TF: variants seen among roughly 807,000 people sequenced by gnomAD.
The protein encoded by TF is transferrin, also known as serotransferrin.
A neutral mutation model predicts 82.4 loss-of-function variants in TF; 55 were observed. The observed-to-expected ratio is 0.67, with a 90% CI of 0.54 to 0.84. The LOEUF (loss-of-function observed/expected upper bound fraction) is 0.84. TF is among the 40% of genes least tolerant of loss of function. The pLI is 0.00. For synonymous variants in TF, 332 were observed against 332.6 expected (o/e 1.00, Z 0.02); for missense variants, 737 against 868.4 (o/e 0.85, Z 1.90).
chr3:133,753,769 T>G, intron 3 of TF, 66 bp downstream of exon 3: 1 of 1,339,724 alleles, frequency 7.5e-7, no homozygotes, highest in African/African-American at 1.4e-5. Context: ...GTGCTGTGTT[T>G]TACAGGCAGG....
the TF span, among the ~76,000 whole-genome samples, chr3:133,667,041 A>AAG: frequency 1.5e-4 from 21 of 143,452 alleles, 1 homozygote; most frequent in African/African-American, 3.2e-4. Flanking sequence ...GTCTCAGAAA[A>AAG]AGAAAAAAAA....
At chr3:133,705,540 T>G in the TF span, among the ~76,000 whole-genome samples, 1 of 152,146 alleles carries the variant, frequency 6.6e-6, no homozygotes, top group East Asian at 1.9e-4. Context: ...TGGGGAGATT[T>G]TGGGATGGAA....
chr3:133,698,194 G>T, the TF span, among the ~76,000 whole-genome samples: 92 of 152,246 alleles, frequency 6.0e-4, no homozygotes, highest in Admixed American at 3.2e-3. Context: ...CCACTCTGTA[G>T]AGTGTACTTT....
At chr3:133,695,654 A>C in the TF span, among the ~76,000 whole-genome samples, 3 of 152,202 alleles carry the variant, frequency 2.0e-5, no homozygotes, top group African/African-American at 7.2e-5. Context: ...ATGCCACAGG[A>C]GAGTTTCTAT....
Position 133,757,198 on chromosome 3 carries a change from A to ACCGTCTGCCGCCC in TF, c.870+190_870+202dup, listed in dbSNP as rs1386762652. Among the ~76,000 whole-genome samples the ACCGTCTGCCGCCC allele has an allele frequency of 7.2e-5, 11 of 152,286 alleles. No homozygotes were observed. The East Asian group carries it at 2.1e-3, about 29-fold the overall frequency. ...GCAGCAGGGAGCCTGCTGTGGTGCT[A>ACCGTCTGCCGCCC]CCGTCTGCCGCCCTTGCCTTTCTGG... On this transcript the variant is annotated intron_variant, in intron 7 of 16. Coordinates refer to ENST00000402696, the MANE Select transcript of TF (RefSeq NM_001063.4).
chr3:133,777,408 T>A (rs1188382613), intron 16 of TF, 170 bp downstream of exon 16: 1 of 642,832 alleles, frequency 1.6e-6, no homozygotes, highest in African/African-American at 1.8e-5. Context: ...GGCTAGACTG[T>A]AGGGGCAGAT....
the TF span, among the ~76,000 whole-genome samples, chr3:133,695,434 G>C: frequency 6.6e-6 from 1 of 152,206 alleles, no homozygotes; most frequent in South Asian, 2.1e-4. Context: ...TTTTAGCAGA[G>C]AGAGGGTTTC....
the TF span, among the ~76,000 whole-genome samples, chr3:133,691,250 A>G: frequency 3.3e-5 from 5 of 152,204 alleles, no homozygotes. Flanking sequence ...TGGCTGACAG[A>G]TCCCTGCCAA....
At chr3:133,768,400 CA>C (rs1934180881) in intron 13 of TF, among the ~76,000 whole-genome samples, 1 of 152,180 alleles carries the variant, frequency 6.6e-6, no homozygotes, top group South Asian at 2.1e-4. Flanking sequence ...TAGCAGTTGT[CA>C]ACGGGTGATT....
the TF span, among the ~76,000 whole-genome samples, chr3:133,689,324 A>AAAAT: frequency 2.0e-5 from 3 of 152,058 alleles, no homozygotes; most frequent in Non-Finnish European, 4.4e-5. Flanking sequence ...ACTCTGCGTC[A>AAAAT]AAATAAATAA....
chr3:133,756,384 G>A, intron 6 of TF, 47 bp downstream of exon 6: 1 of 1,580,722 alleles, frequency 6.3e-7, no homozygotes, highest in Non-Finnish European at 8.7e-7. Context: ...AGTAGTGGGT[G>A]TTCTTTTTCT....
chr3:133,666,009 G>A, the TF span, among the ~76,000 whole-genome samples: 21,497 of 150,466 alleles, frequency 0.14, 1,842 homozygotes, highest in Non-Finnish European at 0.2. Flanking sequence ...CTTTTACAAT[G>A]TGGGTGGTGG....
chr3:133,781,038 G>C lies in TF; in HGVS notation c.*2418G>C, dbSNP rs890112368. The C allele has an allele frequency of 2.0e-5, 3 of 151,442 alleles. No homozygotes were observed. Among genetic ancestry groups the C allele is most frequent in the African/African-American group, 7.3e-5 (3 of 41,132 alleles). 9.4% of individuals were successfully genotyped at this position (151,442 alleles called of 1,614,324 possible). A position where few individuals can be genotyped will look rare whatever the true frequency, so the allele number is the denominator to read the frequency against. On this transcript the variant is annotated 3_prime_UTR_variant, in exon 17 of 17. Coordinates refer to ENST00000402696, the MANE Select transcript of TF (RefSeq NM_001063.4). ...AAAATAATAAAAATAATAATAATAG[G>C]CAGGGCGTGGTGGCTCACACCTGTA...
the TF span, among the ~76,000 whole-genome samples, chr3:133,735,547 A>G: frequency 6.6e-6 from 1 of 152,138 alleles, no homozygotes; most frequent in African/African-American, 2.4e-5. Flanking sequence ...CAAGGAAGCT[A>G]AAAACCTTGA....
chr3:133,712,543 T>C, the TF span: 1 of 152,582 alleles, frequency 6.6e-6, no homozygotes, highest in Non-Finnish European at 1.5e-5. Flanking sequence ...CTTTTAATAA[T>C]ATGTTACAAA....
At chr3:133,696,070 G>T in the TF span, among the ~76,000 whole-genome samples, 4 of 152,144 alleles carry the variant, frequency 2.6e-5, no homozygotes, top group African/African-American at 9.7e-5. Context: ...GGTATAAGAA[G>T]ATATTTTGAG....
the TF span, among the ~76,000 whole-genome samples, chr3:133,682,710 G>A: frequency 6.6e-6 from 1 of 151,688 alleles, no homozygotes; most frequent in Non-Finnish European, 1.5e-5. Flanking sequence ...GGGACTATGT[G>A]AAAAGACAAA....
chr3:133,671,814 G>A, the TF span, among the ~76,000 whole-genome samples: 3 of 147,546 alleles, frequency 2.0e-5, no homozygotes, highest in African/African-American at 5.0e-5. Context: ...AAAAAAAGAA[G>A]AAGAAGAAAA....
the TF span, among the ~76,000 whole-genome samples, chr3:133,693,382 G>T: frequency 1.3e-5 from 2 of 152,232 alleles, no homozygotes; most frequent in African/African-American, 4.8e-5. Flanking sequence ...GTTCAGTTAT[G>T]TTGAGGCACA....
Sources: gnomAD v4.1 joint callset for allele counts (sites outside exome capture counted in the v4.1 genomes callset) on GRCh38, gnomAD v4.1.1 for gene constraint, MANE v1.5 for transcripts, NCBI Gene and HGNC (gene_info 2026-07-23, HGNC 2026-07-21) for gene names.